Variants in NDUFV1 observed in about 807,000 individuals in gnomAD.
NDUFV1 encodes the protein NADH dehydrogenase [ubiquinone] flavoprotein 1, mitochondrial.
Under a neutral mutation model 48.7 loss-of-function variants are expected in NDUFV1, and 41 were observed. That is an observed-to-expected ratio of 0.84 (90% confidence interval 0.66 to 1.09). The LOEUF (loss-of-function observed/expected upper bound fraction) is 1.09, where lower values mean the gene tolerates loss of function less well. Ranked by LOEUF, NDUFV1 falls within the 50% of genes least tolerant of loss-of-function variation. NDUFV1 has a pLI of 0.00. For synonymous variants in NDUFV1, 231 were observed against 259.1 expected, an observed-to-expected ratio of 0.89 and a Z score of 1.04; for missense variants, 580 against 645.4, an observed-to-expected ratio of 0.90 and a Z score of 1.10.
At position 67,611,627 on chromosome 11, in the gene NDUFV1, G is replaced by C. The variant is rs1854918564; in HGVS notation, c.1080+58G>C. 1 of 1,570,190 alleles carries C rather than the reference G, an allele frequency of 6.4e-7. No homozygotes were observed. The highest frequency in any genetic ancestry group is 2.3e-5 in the East Asian group (1 of 42,806). ...CCTCCTGGTTGCTGTCTCCCTCCCTGGGCCTCCCAGAAAACCCTCTTGCCA... is the reference window on the plus strand; with the variant it reads ...CCTCCTGGTTGCTGTCTCCCTCCCTCGGCCTCCCAGAAAACCCTCTTGCCA... On this transcript the variant is annotated intron_variant, in intron 7 of 9. Coordinates refer to ENST00000322776, the MANE Select transcript of NDUFV1 (RefSeq NM_007103.4). The surrounding 1 kb of genome is among the most constrained non-coding windows in gnomAD (Gnocchi z 4.2).
At position 67,609,279 on chromosome 11, in the gene NDUFV1, C is replaced by T. The variant is rs930823949; in HGVS notation, c.327-173C>T. On this transcript the variant is annotated intron_variant, in intron 3 of 9. Transcript: ENST00000322776. ...CCAAAGACAGAATAGGCAGTGAGCT[C>T]CCTGTCATTGGTGGTGAGCAAGCAG... 1.1e-4 allele frequency: 75 copies of T among 654,186 alleles called. 1 individual carries two copies. The highest frequency in any genetic ancestry group is 9.4e-4 in the African/African-American group (52 of 55,136). 40.5% of individuals were successfully genotyped at this position (654,186 alleles called of 1,614,324 possible). A position where few individuals can be genotyped will look rare whatever the true frequency, so the allele number is the denominator to read the frequency against.
rs1400549659 is a variant in NDUFV1 at position 67,606,961 on chromosome 11, G to A, written c.-44G>A. On this transcript the variant is annotated 5_prime_UTR_variant, in exon 1 of 10. Transcript: ENST00000322776. The stretch of plus-strand genomic sequence containing the variant: ...ATCGCGCCAGTTCCTCAGCCTCAGT[G>A]CTATGAAGGTGACAGCGTGAGGTGA... The A allele has an allele frequency of 6.3e-7, 1 of 1,591,942 alleles. No individual in the cohort carries two copies. Among genetic ancestry groups the A allele is most frequent in the East Asian group, 2.3e-5 (1 of 44,080 alleles).
At chr11:67,610,635 C>T in intron 5 of NDUFV1, 65 bp downstream of exon 5, 1 of 1,582,976 alleles carries the variant, frequency 6.3e-7, no homozygotes, top group Non-Finnish European at 8.6e-7. Context: ...GCTAGGCTCC[C>T]TTTGGATTGT....
chr11:67,610,009 A>G (rs905128728), intron 4 of NDUFV1: 1 of 353,058 alleles, frequency 2.8e-6, no homozygotes, highest in East Asian at 6.1e-5. Context: ...AATAATACTT[A>G]TATCTGTAGG....
In NDUFV1 at chr11:67,610,979, T is replaced by G; in HGVS notation, c.701-16T>G. The G allele has an allele frequency of 6.2e-7, 1 of 1,613,956 alleles. No homozygotes were observed. Among genetic ancestry groups the G allele is most frequent in the Non-Finnish European group, 8.5e-7 (1 of 1,179,874 alleles). On this transcript the variant is annotated splice_polypyrimidine_tract_variant and intron_variant, in intron 5 of 9. Transcript: ENST00000322776. ...ACCCCCTAGCAGCCACCAGTTCTCT[T>G]CCCATTTCCCTGAAGGAGTGTTTGG...
In NDUFV1 at chr11:67,608,382, C is replaced by G. The variant is rs1295842525; in HGVS notation, c.73-14C>G. The G allele has an allele frequency of 6.2e-7, 1 of 1,612,796 alleles. No homozygotes were observed. Among genetic ancestry groups the G allele is most frequent in the Admixed American group, 1.7e-5 (1 of 60,024 alleles). On this transcript the variant is annotated splice_polypyrimidine_tract_variant and intron_variant, in intron 1 of 9. Coordinates refer to ENST00000322776, the MANE Select transcript of NDUFV1 (RefSeq NM_007103.4). ...CCAGAGCACTCTGGGCCTCCTGACC[C>G]TTTGTCTCCCTAGACAGCACCCAAG...
intron 2 of NDUFV1, 35 bp from the exon 3 acceptor site, chr11:67,608,517 G>A: frequency 1.2e-6 from 2 of 1,614,196 alleles, no homozygotes; most frequent in Non-Finnish European, 1.7e-6. Context: ...CCCGGAGCAA[G>A]GTGTCCCCTT....
Position 67,611,193 on chromosome 11 carries a change from T to C in NDUFV1, c.899T>C (p.Ile300Thr), listed in dbSNP as rs758733115. 2.5e-6 allele frequency: 4 copies of C among 1,613,704 alleles called. No individual in the cohort carries two copies. The highest frequency in any genetic ancestry group is 3.4e-6 in the Non-Finnish European group (4 of 1,179,880). ...ATGTCTGTGCCCTTGAAAGAACTGATTGAGAAGCATGCTGGTAAGGCCTGG... is the reference window on the plus strand; with the variant it reads ...ATGTCTGTGCCCTTGAAAGAACTGACTGAGAAGCATGCTGGTAAGGCCTGG... ...EEMSVPLKEL[I>T]EKHAGGVTGG... The change falls in exon 6 of 10, where the codon ATT (isoleucine) becomes ACT (threonine). Residue 300 changes from isoleucine to threonine, a missense_variant. By Grantham distance (89) the Ile-to-Thr change is moderately conservative. Transcript: ENST00000322776. This position sits in a 1 kb window ranked among gnomAD's most constrained non-coding sequence, Gnocchi z 4.2.
Position 67,609,540 on chromosome 11 carries a change from C to T in NDUFV1, c.415C>T (p.Leu139=). The T allele has an allele frequency of 6.2e-7, 1 of 1,613,310 alleles. No homozygotes were observed. The highest frequency in any genetic ancestry group is 8.5e-7 in the Non-Finnish European group (1 of 1,179,854). ...CTTACGCCATGATCCTCACAAGCTG[C>T]TGGAAGGCTGCCTGGTGGGGGGCCG... ...EILRHDPHKL[L]EGCLVGGRAM... The change falls in exon 4 of 10, where the codon CTG becomes TTG. Residue 139 remains leucine, a synonymous_variant. Transcript: ENST00000322776.
intron 5 of NDUFV1, 159 bp from the exon 6 acceptor site, chr11:67,610,836 G>A: frequency 2.5e-6 from 2 of 788,174 alleles, no homozygotes; most frequent in Non-Finnish European, 4.2e-6. Flanking sequence ...ACAAGGCAAT[G>A]GGCATCTCTG....
chr11:67,612,096 C>T lies in NDUFV1; in HGVS notation c.1163-24C>T, dbSNP rs750067296. Reference sequence around the variant, plus strand: ...ATCCTGGCTGGGGAGATCATCAGGCCCTCTCTTGTGGCTGTGGCTGCAGGT... The same window carrying T: ...ATCCTGGCTGGGGAGATCATCAGGCTCTCTCTTGTGGCTGTGGCTGCAGGT... On this transcript the variant is annotated intron_variant, in intron 8 of 9. Transcript: ENST00000322776. This position sits in a 1 kb window ranked among gnomAD's most constrained non-coding sequence, Gnocchi z 4.4. The T allele has an allele frequency of 3.1e-6, 5 of 1,613,538 alleles. No homozygotes were observed. Among genetic ancestry groups the T allele is most frequent in the Non-Finnish European group, 4.2e-6 (5 of 1,179,980 alleles).
In NDUFV1 at chr11:67,611,794, C is replaced by A; in HGVS notation, c.1081-103C>A. 6.7e-7 allele frequency: 1 copy of A among 1,502,418 alleles called. No homozygotes were observed. The highest frequency in any genetic ancestry group is 9.2e-7 in the Non-Finnish European group (1 of 1,088,344). 93.1% of individuals were successfully genotyped at this position (1,502,418 alleles called of 1,614,324 possible). On this transcript the variant is annotated intron_variant, in intron 7 of 9. Transcript: ENST00000322776. This position sits in a 1 kb window ranked among gnomAD's most constrained non-coding sequence, Gnocchi z 4.2. ...GGAGGAGGCCAGAACGCTGGGTGGGCTGGGAAGAGCTTCTGGAACTGGGGG... is the reference window on the plus strand; with the variant it reads ...GGAGGAGGCCAGAACGCTGGGTGGGATGGGAAGAGCTTCTGGAACTGGGGG...
In NDUFV1 at chr11:67,612,537, C is replaced by T. The variant is rs76839099; in HGVS notation, c.*79C>T. The T allele has an allele frequency of 1.5e-3, 2,237 of 1,460,702 alleles. 33 individuals carry two copies. The East Asian group carries it at 0.042, about 27-fold the overall frequency. 90.5% of individuals were successfully genotyped at this position (1,460,702 alleles called of 1,614,324 possible). A position where few individuals can be genotyped will look rare whatever the true frequency, so the allele number is the denominator to read the frequency against. On this transcript the variant is annotated 3_prime_UTR_variant, in exon 10 of 10. Coordinates refer to ENST00000322776, the MANE Select transcript of NDUFV1 (RefSeq NM_007103.4). The surrounding 1 kb of genome is among the most constrained non-coding windows in gnomAD (Gnocchi z 4.4). ...AAAGCGAGTGCTGCCCACCCTCCAGCTGCCGCTGCTGTGACTGTGCTCTTT... is the reference window on the plus strand; with the variant it reads ...AAAGCGAGTGCTGCCCACCCTCCAGTTGCCGCTGCTGTGACTGTGCTCTTT...
intron 5 of NDUFV1, 137 bp from the exon 6 acceptor site, chr11:67,610,858 C>A: frequency 1.1e-6 from 1 of 890,080 alleles, no homozygotes; most frequent in Non-Finnish European, 1.8e-6. Context: ...AGTTTGGGGT[C>A]CAGCAGGGAT....
In NDUFV1 at chr11:67,611,373, A is replaced by C; in HGVS notation, c.914-30A>C. 1 of 1,611,466 alleles carries C rather than the reference A, an allele frequency of 6.2e-7. No individual in the cohort carries two copies. ...GTGCCGGCCCCAGCCCTGACCATGC[A>C]TCCCTTTGGGGACCGACTTGGGGCC... is the stretch of plus-strand genomic sequence containing the variant. On this transcript the variant is annotated intron_variant, in intron 6 of 9. Transcript: ENST00000322776. The surrounding 1 kb of genome is among the most constrained non-coding windows in gnomAD (Gnocchi z 4.2).
chr11:67,609,364 A>T, intron 3 of NDUFV1, 88 bp from the exon 4 acceptor site: 1 of 1,399,336 alleles, frequency 7.1e-7, no homozygotes, highest in Middle Eastern at 2.4e-4. Flanking sequence ...GACATCTTTG[A>T]GGCCTCCCTG....
Position 67,611,178 on chromosome 11 carries a change from C to G in NDUFV1, c.884C>G (p.Pro295Arg). ...PCTVEEEMSV[P>R]LKELIEKHAG... ...ACTGTGGAGGAGGAGATGTCTGTGCCCTTGAAAGAACTGATTGAGAAGCAT... is the reference window on the plus strand; with the variant it reads ...ACTGTGGAGGAGGAGATGTCTGTGCGCTTGAAAGAACTGATTGAGAAGCAT... The change falls in exon 6 of 10, where the codon CCC (proline) becomes CGC (arginine). Residue 295 changes from proline (P) to arginine (R), a missense_variant. Pro to Arg is a moderately radical substitution (Grantham distance 103). Coordinates refer to ENST00000322776, the MANE Select transcript of NDUFV1 (RefSeq NM_007103.4). The surrounding 1 kb of genome is among the most constrained non-coding windows in gnomAD (Gnocchi z 4.2). 1 of 1,614,070 alleles carries G rather than the reference C, an allele frequency of 6.2e-7. No homozygotes were observed. Among genetic ancestry groups the G allele is most frequent in the African/African-American group, 1.3e-5 (1 of 75,010 alleles).
chr11:67,612,154 C>G lies in NDUFV1; in HGVS notation c.1197C>G (p.Phe399Leu). The G allele has an allele frequency of 1.2e-6, 2 of 1,613,532 alleles. No homozygotes were observed. The highest frequency in any genetic ancestry group is 1.7e-6 in the Non-Finnish European group (2 of 1,179,926). The change falls in exon 9 of 10, where the codon TTC (phenylalanine) becomes TTG (leucine). Residue 399 changes from phenylalanine (F) to leucine (L), a missense_variant. Transcript: ENST00000322776. The surrounding 1 kb of genome is among the most constrained non-coding windows in gnomAD (Gnocchi z 4.4). ...GGATGAACAAGGTGATGGCACGTTT[C>G]GTGAGGGGGGATGCCCGGCCGGCCG... is the stretch of plus-strand genomic sequence containing the variant. ...VDWMNKVMAR[F>L]VRGDARPAEI...
chr11:67,610,641 A>G lies in NDUFV1; in HGVS notation c.700+71A>G, dbSNP rs1854896394. The G allele has an allele frequency of 2.4e-5, 38 of 1,574,300 alleles. No individual in the cohort carries two copies. In the South Asian group the frequency reaches 4.3e-4, roughly 18 times the overall value. ...CGGGATCTGGCTAGGCTCCCTTTGG[A>G]TTGTTCTTAGGGATTTCTGAGTGGC... On this transcript the variant is annotated intron_variant, in intron 5 of 9. Transcript: ENST00000322776.
Sources: allele counts gnomAD v4.1 joint callset, GRCh38; gene constraint gnomAD v4.1.1; non-coding constraint Gnocchi (gnomAD v3.1); transcripts MANE v1.5; gene names NCBI Gene and HGNC (gene_info 2026-07-23, HGNC 2026-07-21).